The following TTC6 variants were observed in gnomAD, a reference collection of about 807,000 sequenced individuals.
TTC6 encodes the protein tetratricopeptide repeat domain 6.
Under a neutral mutation model 210.4 loss-of-function variants are expected in TTC6, and 172 were observed. The observed-to-expected ratio is 0.82, with a 90% confidence interval of 0.72 to 0.93. TTC6 has a LOEUF of 0.93. Among genes scored for constraint, TTC6 ranks in the 40% least tolerant of loss-of-function variants. The pLI, the probability that TTC6 is intolerant of heterozygous loss-of-function variation, is 0.00. For synonymous variants in TTC6, 804 were observed against 819.6 expected, an observed-to-expected ratio of 0.98 and a Z score of 0.32; for missense variants, 2,414 against 2,318.1, an observed-to-expected ratio of 1.04 and a Z score of -0.85.
intron 5 of TTC6, among the ~76,000 whole-genome samples, chr14:37,712,462 C>T (rs2095846113): frequency 1.3e-5 from 2 of 152,264 alleles, no homozygotes; most frequent in South Asian, 2.1e-4. Flanking sequence ...AATTCAGCTT[C>T]GGAAAACAGA....
intron 9 of TTC6, 31 bp from the exon 12 acceptor site, chr14:37,738,745 G>T: frequency 7.1e-7 from 1 of 1,409,412 alleles, no homozygotes; most frequent in Non-Finnish European, 9.2e-7. Flanking sequence ...TTGATTTTAC[G>T]TTTTTTCTAC....
rs150308290 is a variant in TTC6, at chr14:37,760,890, G to A, written c.3266+7655G>A. Among the ~76,000 whole-genome samples the A allele has an allele frequency of 2.4e-3, 365 of 152,276 alleles. 4 individuals carry two copies. The highest frequency in any genetic ancestry group is 0.01 in the South Asian group (49 of 4,832). On this transcript the variant is annotated intron_variant, in intron 14 of 30. Coordinates refer to ENST00000553443, the Ensembl canonical transcript of TTC6. Reference sequence around the variant, plus strand: ...GCACCAAGTTAGATCATCCCAGGTCGACTTCAGACTGTTGCCCTGGCAGCG... The same window carrying A: ...GCACCAAGTTAGATCATCCCAGGTCAACTTCAGACTGTTGCCCTGGCAGCG...
At chr14:37,774,334 T>A (rs2096030404) in intron 14 of TTC6, among the ~76,000 whole-genome samples, 1 of 152,140 alleles carries the variant, frequency 6.6e-6, no homozygotes, top group Non-Finnish European at 1.5e-5. Flanking sequence ...ACTTGTCTTT[T>A]TCTGGTTTTT....
chr14:37,812,423 T>C (rs1451025237), exon 25 of TTC6: 2 of 1,606,448 alleles, frequency 1.2e-6, no homozygotes, highest in East Asian at 2.2e-5. Context: ...CAGTATGGCT[T>C]TGCACTAGAG....
At chr14:37,709,632 A>G (rs556494091) in intron 5 of TTC6, among the ~76,000 whole-genome samples, 1 of 151,154 alleles carries the variant, frequency 6.6e-6, no homozygotes, top group Admixed American at 6.6e-5. Flanking sequence ...CACTGTTTGC[A>G]TGTAGCAATG....
At chr14:37,722,782 G>A (rs1406867855) in intron 6 of TTC6, among the ~76,000 whole-genome samples, 1 of 152,134 alleles carries the variant, frequency 6.6e-6, no homozygotes, top group Non-Finnish European at 1.5e-5. Flanking sequence ...ACCTGGCTAG[G>A]TAGTGTTTAC....
At chr14:37,705,542 C>T (rs1161467983) in intron 5 of TTC6, among the ~76,000 whole-genome samples, 1 of 151,990 alleles carries the variant, frequency 6.6e-6, no homozygotes, top group Non-Finnish European at 1.5e-5. Flanking sequence ...GTTTTGTAAC[C>T]TAACTTTTAA....
At chr14:37,622,010 C>A (rs998690917), upstream of TTC6, 7 of 1,268,104 alleles carry the variant, frequency 5.5e-6, no homozygotes, top group South Asian at 1.1e-4. Flanking sequence ...TGTATATACG[C>A]ACACAACATA....
At chr14:37,826,768 T>C (rs1441084472) in intron 28 of TTC6, among the ~76,000 whole-genome samples, 5 of 152,114 alleles carry the variant, frequency 3.3e-5, no homozygotes, top group Non-Finnish European at 7.4e-5. Context: ...TCTTTACTTC[T>C]AGCTTTTGGG....
chr14:37,704,981 G>A (rs771264323), intron 5 of TTC6, among the ~76,000 whole-genome samples: 37 of 152,066 alleles, frequency 2.4e-4, no homozygotes, highest in Non-Finnish European at 5.0e-4. Context: ...ACATGTTATT[G>A]AGTCTATTTA....
intron 14 of TTC6, among the ~76,000 whole-genome samples, chr14:37,779,221 C>T (rs2096047277): frequency 6.6e-6 from 1 of 152,136 alleles, no homozygotes; most frequent in African/African-American, 2.4e-5. Context: ...CAAGTTCCTC[C>T]CCATTCAATG....
intron 1 of TTC6, among the ~76,000 whole-genome samples, chr14:37,631,353 T>A (rs1243472544): frequency 6.6e-6 from 1 of 152,166 alleles, no homozygotes; most frequent in African/African-American, 2.4e-5. Context: ...AAGGATTTTA[T>A]TTCTCCTTCA....
chr14:37,632,628 T>C (rs2095672022), intron 1 of TTC6, among the ~76,000 whole-genome samples: 1 of 152,198 alleles, frequency 6.6e-6, no homozygotes, highest in Non-Finnish European at 1.5e-5. Flanking sequence ...GTCTGTCCCT[T>C]AGCAGAGCTC....
At chr14:37,822,271 A>G (rs2096159728) in intron 26 of TTC6, among the ~76,000 whole-genome samples, 1 of 152,230 alleles carries the variant, frequency 6.6e-6, no homozygotes, top group Admixed American at 6.5e-5. Context: ...AAAAAAAGTA[A>G]GTTGACTTAA....
chr14:37,701,350 CA>C lies in TTC6; in HGVS notation c.1396del (p.Met466CysfsTer47), dbSNP rs2095824920. 4 of 1,445,202 alleles carry C rather than the reference CA, an allele frequency of 2.8e-6. No homozygotes were observed. The highest frequency in any genetic ancestry group is 2.7e-6 in the Non-Finnish European group (3 of 1,106,774). The allele number at this position is 1,445,202 out of a possible 1,614,324, so 89.5% of individuals were successfully genotyped here. A position where few individuals can be genotyped will look rare whatever the true frequency, so the allele number is the denominator to read the frequency against. On this transcript the variant is annotated frameshift_variant, in exon 5 of 31. Coordinates refer to ENST00000553443, the Ensembl canonical transcript of TTC6. LOFTEE classifies it high-confidence loss of function. Reference sequence around the variant, plus strand: ...GTTGCAGAATTCCACAAGACTACTCCATGCCGCACCTTCATGATCTGTGCAC... The same window carrying C: ...GTTGCAGAATTCCACAAGACTACTCCTGCCGCACCTTCATGATCTGTGCAC...
chr14:37,786,720 C>T (rs553699858), intron 14 of TTC6, among the ~76,000 whole-genome samples: 9 of 152,344 alleles, frequency 5.9e-5, no homozygotes, highest in East Asian at 1.9e-4. Context: ...GCATCGCTCA[C>T]GCGGGGAGCT....
chr14:37,721,910 A>G (rs1301117872), intron 6 of TTC6, among the ~76,000 whole-genome samples: 3 of 144,864 alleles, frequency 2.1e-5, no homozygotes, highest in South Asian at 4.3e-4. Context: ...ATACACATGT[A>G]TATATGTATA....
chr14:37,828,764 A>G (rs975457300), intron 29 of TTC6, among the ~76,000 whole-genome samples: 3 of 151,214 alleles, frequency 2.0e-5, no homozygotes, highest in African/African-American at 7.4e-5. Flanking sequence ...AAGGGTATCT[A>G]CTATCAGGAT....
chr14:37,694,410 A>G (rs543754945), intron 3 of TTC6, among the ~76,000 whole-genome samples: 59 of 152,320 alleles, frequency 3.9e-4, no homozygotes, highest in Non-Finnish European at 6.6e-4. Flanking sequence ...CTTATATCCA[A>G]AAGACAGGCA....
Sources: allele counts gnomAD v4.1 joint callset (sites outside exome capture counted in the v4.1 genomes callset), GRCh38; gene constraint gnomAD v4.1.1; transcripts MANE v1.5; gene names NCBI Gene and HGNC (gene_info 2026-07-23, HGNC 2026-07-21).